The following EPHB3 variants were observed in gnomAD, a reference collection of about 807,000 sequenced individuals.
EPHB3 encodes the protein EPH receptor B3.
In EPHB3, 33 loss-of-function variants were observed where a neutral mutation model predicts 100.2. The ratio of observed to expected loss-of-function variants is 0.33; its 90% CI spans 0.25 to 0.44. The LOEUF (loss-of-function observed/expected upper bound fraction) is 0.44, where lower values mean the gene tolerates loss of function less well. Ranked by LOEUF, EPHB3 falls within the 20% of genes least tolerant of loss-of-function variation. The pLI, the probability that EPHB3 is intolerant of heterozygous loss-of-function variation, is 1.00. For missense variants in EPHB3, 1,045 were observed against 1,378.3 expected (o/e 0.76, Z 3.83); for synonymous variants, 526 against 554.7 (o/e 0.95, Z 0.73).
chr3:184,572,573 G>C lies in EPHB3; in HGVS notation c.253G>C (p.Glu85Gln), dbSNP rs144873693. ...CACATACCAGGTGTGTAATGTGCGC[G>C]AGTCAAGCCAGAACAACTGGCTTCG... is the stretch of plus-strand genomic sequence containing the variant. The part of the protein sequence containing the change: ...IRTYQVCNVR[E>Q]SSQNNWLRTG... Residue 85 changes from glutamate (E) to glutamine (Q), a missense_variant, in exon 3 of 16, where the codon GAG (glutamate) becomes CAG (glutamine). Glu to Gln is a conservative substitution (Grantham distance 29). Around this residue, in one of 2 missense-constraint regions of EPHB3, gnomAD observed 985 missense variants for 1,331.1 expected, o/e 0.74. Coordinates refer to ENST00000330394, the MANE Select transcript of EPHB3 (RefSeq NM_004443.4). The surrounding 1 kb of genome is among the most constrained non-coding windows in gnomAD (Gnocchi z 6.6). The C allele has an allele frequency of 3.0e-4, 458 of 1,546,088 alleles. No individual in the cohort carries two copies. Among genetic ancestry groups the C allele is most frequent in the Non-Finnish European group, 3.9e-4 (447 of 1,150,110 alleles).
chr3:184,570,077 C>T (rs1714502921), intron 1 of EPHB3, among the ~76,000 whole-genome samples: 1 of 152,192 alleles, frequency 6.6e-6, no homozygotes, highest in African/African-American at 2.4e-5. Context: ...CGGGCCCCTC[C>T]TATGACCAAA....
rs527953070 is a variant in EPHB3, at chr3:184,570,266, T to A, written c.119-1052T>A. 2.6e-5 allele frequency among the ~76,000 whole-genome samples: 4 copies of A among 152,272 alleles called. No individual in the cohort carries two copies. In the South Asian group the frequency reaches 8.3e-4, roughly 32 times the overall value. On this transcript the variant is annotated intron_variant, in intron 1 of 15. Transcript: ENST00000330394. ...TGATAGGCAGTTTTCTAGGCTTTCT[T>A]TCATCCCTCCTTTACAGAGGGGCAT...
In EPHB3 at chr3:184,581,642, C is replaced by G; in HGVS notation, c.*20C>G. On this transcript the variant is annotated 3_prime_UTR_variant, in exon 16 of 16. Coordinates refer to ENST00000330394, the MANE Select transcript of EPHB3 (RefSeq NM_004443.4). ...GTCTGACACCGGCTCCCACGGGGAC[C>G]CTGAGGACCGTGCAGGGATGCCAAG... 6.3e-7 allele frequency: 1 copy of G among 1,585,216 alleles called. No homozygotes were observed. Among genetic ancestry groups the G allele is most frequent in the Non-Finnish European group, 8.6e-7 (1 of 1,167,268 alleles).
intron 4 of EPHB3, among the ~76,000 whole-genome samples, chr3:184,576,486 T>G (rs545654539): frequency 6.6e-6 from 1 of 152,260 alleles, no homozygotes; most frequent in African/African-American, 2.4e-5. Context: ...TAAGATACAG[T>G]CATTGTCCTA....
At chr3:184,574,515 C>T (rs987359385) in intron 3 of EPHB3, among the ~76,000 whole-genome samples, 3 of 152,218 alleles carry the variant, frequency 2.0e-5, no homozygotes, top group Admixed American at 6.5e-5. Context: ...CCCTGTCTTT[C>T]GCTCCCTCTG....
chr3:184,580,409 A>G lies in EPHB3; in HGVS notation c.2180A>G (p.Asp727Gly), dbSNP rs1714789311. 6.2e-7 allele frequency: 1 copy of G among 1,614,054 alleles called. No individual in the cohort carries two copies. The highest frequency in any genetic ancestry group is 8.5e-7 in the Non-Finnish European group (1 of 1,180,018). The stretch of plus-strand genomic sequence containing the variant: ...CCTGCTTGTTGCCTGCAGCTCAACG[A>G]TGGGCAGTTCACGGTCATCCAGCTG... Reference protein sequence around the residue: ...CALDSFLRLNDGQFTVIQLVG... With the variant: ...CALDSFLRLNGGQFTVIQLVG... The change falls in exon 12 of 16, where the codon GAT becomes GGT. Residue 727 changes from aspartate to glycine, a missense_variant. Coordinates refer to ENST00000330394, the MANE Select transcript of EPHB3 (RefSeq NM_004443.4).
rs1577533659 is a variant in EPHB3 at position 184,581,719 on chromosome 3, T to G, written c.*97T>G. On this transcript the variant is annotated 3_prime_UTR_variant, in exon 16 of 16. Transcript: ENST00000330394. The stretch of plus-strand genomic sequence containing the variant: ...GACTTTTGGATGCCTGGCCTTAGGC[T>G]GTGGCCCAGAAGCTGGAAGTTTGGG... 8.1e-6 allele frequency: 10 copies of G among 1,238,622 alleles called. No individual in the cohort carries two copies. The East Asian group carries it at 2.6e-4, about 32-fold the overall frequency. The allele number at this position is 1,238,622 out of a possible 1,614,324, so 76.7% of individuals were successfully genotyped here.
In EPHB3 at chr3:184,578,363, G is replaced by A. The variant is rs982999738; in HGVS notation, c.1749-51G>A. Reference sequence around the variant, plus strand: ...TGAGCCCAAGGGTGCCCTGAACAAAGGGAGGCAGATGACTTGTCTCAGGCC... The same window carrying A: ...TGAGCCCAAGGGTGCCCTGAACAAAAGGAGGCAGATGACTTGTCTCAGGCC... On this transcript the variant is annotated intron_variant, in intron 8 of 15. Transcript: ENST00000330394. The surrounding 1 kb of genome is among the most constrained non-coding windows in gnomAD (Gnocchi z 4.7). The A allele has an allele frequency of 6.2e-7, 1 of 1,612,846 alleles. No individual in the cohort carries two copies. The highest frequency in any genetic ancestry group is 8.5e-7 in the Non-Finnish European group (1 of 1,179,502).
At position 184,572,436 on chromosome 3, in the gene EPHB3, C is replaced by T; in HGVS notation, c.184-68C>T. On this transcript the variant is annotated intron_variant, in intron 2 of 15. Transcript: ENST00000330394. The surrounding 1 kb of genome is among the most constrained non-coding windows in gnomAD (Gnocchi z 6.6). ...TCCCTGTGAAGTAAATAGAGCAGATCTGGGCACGAGGGAAGCACTTGGCAA... is the reference window on the plus strand; with the variant it reads ...TCCCTGTGAAGTAAATAGAGCAGATTTGGGCACGAGGGAAGCACTTGGCAA... The T allele has an allele frequency of 2.0e-6, 3 of 1,495,178 alleles. No individual in the cohort carries two copies. The highest frequency in any genetic ancestry group is 2.7e-6 in the Non-Finnish European group (3 of 1,124,406). 92.6% of individuals were successfully genotyped at this position (1,495,178 alleles called of 1,614,324 possible).
rs1270760036 is a variant in EPHB3, at chr3:184,569,220, G to GGCGGGAGGACTC, written c.119-2096_119-2095insGGGAGGACTCGC. ...CGGCGGGCGGACCGGCGGGAGGACTGGCTGCGGGGGCAGGGCGCGCTTGCT... is the reference window on the plus strand; with the variant it reads ...CGGCGGGCGGACCGGCGGGAGGACTGGCGGGAGGACTCGCTGCGGGGGCAGGGCGCGCTTGCT... On this transcript the variant is annotated intron_variant, in intron 1 of 15. Coordinates refer to ENST00000330394, the MANE Select transcript of EPHB3 (RefSeq NM_004443.4). The surrounding 1 kb of genome is among the most constrained non-coding windows in gnomAD (Gnocchi z 5.4). 9.9e-5 allele frequency among the ~76,000 whole-genome samples: 15 copies of GGCGGGAGGACTC among 152,042 alleles called. No individual in the cohort carries two copies. The highest frequency in any genetic ancestry group is 3.1e-4 in the African/African-American group (13 of 41,502).
In EPHB3 at chr3:184,576,694, G is replaced by A; in HGVS notation, c.1013-148G>A. On this transcript the variant is annotated intron_variant, in intron 4 of 15. Coordinates refer to ENST00000330394, the MANE Select transcript of EPHB3 (RefSeq NM_004443.4). ...TGAAGGATAAATAGGAGTCTGCCTG[G>A]TGAAGAAATGTAGGAACGTTATTCT... 3 of 737,682 alleles carry A rather than the reference G, an allele frequency of 4.1e-6. No individual in the cohort carries two copies. The South Asian group carries it at 7.5e-5, about 18-fold the overall frequency. The allele number at this position is 737,682 out of a possible 1,614,324, so 45.7% of individuals were successfully genotyped here. A position where few individuals can be genotyped will look rare whatever the true frequency, so the allele number is the denominator to read the frequency against.
At chr3:184,575,299 C>A in intron 3 of EPHB3, 2 of 939,370 alleles carry the variant, frequency 2.1e-6, no homozygotes, top group Non-Finnish European at 2.5e-6. Flanking sequence ...CCTCAGCCCC[C>A]ATCCCTGCCC....
intron 4 of EPHB3, 32 bp downstream of exon 4, chr3:184,576,017 G>A (rs1401926743): frequency 1.9e-6 from 3 of 1,574,296 alleles, no homozygotes; most frequent in South Asian, 2.3e-5. Flanking sequence ...CTTTCCCTCT[G>A]CAGGCCTTCC....
chr3:184,570,557 G>C (rs1714512481), intron 1 of EPHB3, among the ~76,000 whole-genome samples: 1 of 152,232 alleles, frequency 6.6e-6, no homozygotes, highest in African/African-American at 2.4e-5. Flanking sequence ...TCACCTGTAG[G>C]TGCTGCGTGG....
chr3:184,576,859 C>G lies in EPHB3; in HGVS notation c.1030C>G (p.Arg344Gly), dbSNP rs372575808. 4.5e-6 allele frequency: 7 copies of G among 1,548,862 alleles called. No homozygotes were observed. The highest frequency in any genetic ancestry group is 6.1e-6 in the Non-Finnish European group (7 of 1,143,284). Residue 344 changes from arginine (R) to glycine (G), a missense_variant, in exon 5 of 16, where the codon CGA becomes GGA. By Grantham distance (125) the Arg-to-Gly change is moderately radical. Around this residue, in one of 2 missense-constraint regions of EPHB3, gnomAD observed 985 missense variants for 1,331.1 expected, o/e 0.74. Coordinates refer to ENST00000330394, the MANE Select transcript of EPHB3 (RefSeq NM_004443.4). ...CCTCACAGCCGTGCCATCTCCACCC[C>G]GAGGTGTGATCTCCAATGTGAATGA... ...SACTTVPSPP[R>G]GVISNVNETS...
chr3:184,569,278 C>T lies in EPHB3; in HGVS notation c.119-2040C>T, dbSNP rs1250847437. Among the ~76,000 whole-genome samples, 2 of 152,042 alleles carry T rather than the reference C, an allele frequency of 1.3e-5. No homozygotes were observed. The highest frequency in any genetic ancestry group is 4.8e-5 in the African/African-American group (2 of 41,422). ...CTCCCGGGACTGACACTCGCGCTGC[C>T]GGCTGGGGACGAGGCCGCCTGGCAA... On this transcript the variant is annotated intron_variant, in intron 1 of 15. Coordinates refer to ENST00000330394, the MANE Select transcript of EPHB3 (RefSeq NM_004443.4). This position sits in a 1 kb window ranked among gnomAD's most constrained non-coding sequence, Gnocchi z 5.4.
At chr3:184,567,825 G>A (rs1200737484) in intron 1 of EPHB3, among the ~76,000 whole-genome samples, 2 of 152,210 alleles carry the variant, frequency 1.3e-5, no homozygotes, top group Admixed American at 1.3e-4. Flanking sequence ...GTGCGCATAT[G>A]TTTCAGGAAA....
chr3:184,577,634 G>T lies in EPHB3; in HGVS notation c.1480-24G>T, dbSNP rs1714710860. The T allele has an allele frequency of 1.9e-6, 3 of 1,575,574 alleles. No individual in the cohort carries two copies. Among genetic ancestry groups the T allele is most frequent in the Non-Finnish European group, 2.6e-6 (3 of 1,156,404 alleles). On this transcript the variant is annotated intron_variant, in intron 6 of 15. Coordinates refer to ENST00000330394, the MANE Select transcript of EPHB3 (RefSeq NM_004443.4). This position sits in a 1 kb window ranked among gnomAD's most constrained non-coding sequence, Gnocchi z 4.9. ...TTGGCCTCAGGACCCACCTGAGGGT[G>T]CCCCCTCTCTCCTGGCATTGCAGAG...
chr3:184,572,621 G>A lies in EPHB3; in HGVS notation c.301G>A (p.Asp101Asn), dbSNP rs915979381. 4.9e-5 allele frequency: 76 copies of A among 1,555,432 alleles called. No homozygotes were observed. Among genetic ancestry groups the A allele is most frequent in the Non-Finnish European group, 6.5e-5 (75 of 1,151,092 alleles). Residue 101 changes from aspartate to asparagine, a missense_variant, in exon 3 of 16, where the codon GAT becomes AAT. Asp to Asn is a conservative substitution (Grantham distance 23). Transcript: ENST00000330394. This position sits in a 1 kb window ranked among gnomAD's most constrained non-coding sequence, Gnocchi z 6.6. ...TCGCACGGGGTTCATCTGGCGGCGG[G>A]ATGTGCAGCGGGTCTACGTGGAGCT... ...WLRTGFIWRRDVQRVYVELKF... is the reference protein window; with the variant it reads ...WLRTGFIWRRNVQRVYVELKF...
Sources: allele counts gnomAD v4.1 joint callset (sites outside exome capture counted in the v4.1 genomes callset), GRCh38; gene constraint gnomAD v4.1.1; regional missense constraint gnomAD v4.1.1; non-coding constraint Gnocchi (gnomAD v3.1); transcripts MANE v1.5; gene names NCBI Gene and HGNC (gene_info 2026-07-23, HGNC 2026-07-21).